Variants in CACNA1D observed in about 807,000 individuals in gnomAD.
CACNA1D encodes the protein voltage-dependent L-type calcium channel subunit alpha-1D.
CACNA1D carries 55 observed loss-of-function variants against 257.1 expected under a neutral mutation model. The observed-to-expected ratio is 0.21, with a 90% CI of 0.17 to 0.27. CACNA1D has a LOEUF of 0.27. CACNA1D is among the 10% of genes least tolerant of loss of function. The pLI is 1.00. For missense variants in CACNA1D, 1,876 were observed against 2,784.0 expected, an observed-to-expected ratio of 0.67 and a Z score of 7.34; for synonymous variants, 980 against 1,014.9, an observed-to-expected ratio of 0.97 and a Z score of 0.65.
intron 3 of CACNA1D, among the ~76,000 whole-genome samples, chr3:53,535,965 C>CT (rs1188599579): frequency 6.6e-6 from 1 of 152,162 alleles, no homozygotes; most frequent in African/African-American, 2.4e-5. Flanking sequence ...TGCCAGCATA[C>CT]TTAATATGTG....
In CACNA1D at chr3:53,650,362, C is replaced by T. The variant is rs891565645; in HGVS notation, c.484-417C>T. Among the ~76,000 whole-genome samples the T allele has an allele frequency of 3.4e-4, 51 of 152,214 alleles. 1 individual carries two copies. The highest frequency in any genetic ancestry group is 1.2e-3 in the African/African-American group (48 of 41,460). ...TTCATTTTTTCCAGAGGATGAATTTCTTCTGTTCAAAGACACCATTGGAAT... is the reference window on the plus strand; with the variant it reads ...TTCATTTTTTCCAGAGGATGAATTTTTTCTGTTCAAAGACACCATTGGAAT... On this transcript the variant is annotated intron_variant, in intron 3 of 47. Transcript: ENST00000350061.
chr3:53,540,611 A>C (rs1018108776), intron 3 of CACNA1D, among the ~76,000 whole-genome samples: 3 of 152,152 alleles, frequency 2.0e-5, no homozygotes, highest in Non-Finnish European at 4.4e-5. Context: ...CCTTTAAAAA[A>C]AATTGACACC....
chr3:53,735,359 G>C lies in CACNA1D; in HGVS notation c.2622-15G>C. On this transcript the variant is annotated splice_polypyrimidine_tract_variant and intron_variant, in intron 19 of 47. Transcript: ENST00000350061. ...CTATCTGGGACTGTTTCCAAGCAGC[G>C]GCTTTTCCCTGCAGGATCCGCGTAG... 1.9e-6 allele frequency: 3 copies of C among 1,613,662 alleles called. No individual in the cohort carries two copies. Among genetic ancestry groups the C allele is most frequent in the Non-Finnish European group, 2.5e-6 (3 of 1,179,616 alleles).
intron 3 of CACNA1D, among the ~76,000 whole-genome samples, chr3:53,610,400 T>C (rs1025629530): frequency 1.3e-5 from 2 of 152,240 alleles, no homozygotes; most frequent in Non-Finnish European, 2.9e-5. Context: ...TTTTGCCTCA[T>C]ATATTTTGAA....
At chr3:53,531,911 G>A (rs143535649) in intron 3 of CACNA1D, among the ~76,000 whole-genome samples, 1 of 152,156 alleles carries the variant, frequency 6.6e-6, no homozygotes, top group Non-Finnish European at 1.5e-5. Flanking sequence ...GACAATGTAT[G>A]TTGCATGCCC....
chr3:53,518,758 TTCTTA>T (rs1170552718), intron 3 of CACNA1D, among the ~76,000 whole-genome samples: 1 of 152,224 alleles, frequency 6.6e-6, no homozygotes, highest in Non-Finnish European at 1.5e-5. Flanking sequence ...TAACCAAGTT[TTCTTA>T]TCTTTGAGAA....
At chr3:53,706,108 G>A (rs979301943) in intron 9 of CACNA1D, among the ~76,000 whole-genome samples, 2 of 152,220 alleles carry the variant, frequency 1.3e-5, no homozygotes, top group African/African-American at 4.8e-5. Flanking sequence ...TACCTCTTGA[G>A]AGGAGGATGG....
intron 7 of CACNA1D, among the ~76,000 whole-genome samples, chr3:53,671,329 C>T (rs1310352142): frequency 2.0e-5 from 3 of 152,122 alleles, no homozygotes; most frequent in Non-Finnish European, 2.9e-5. Context: ...TCTGCCCTCC[C>T]GTCACCTTGT....
intron 29 of CACNA1D, among the ~76,000 whole-genome samples, chr3:53,761,557 A>G (rs2095302458): frequency 6.6e-6 from 1 of 152,262 alleles, no homozygotes; most frequent in South Asian, 2.1e-4. Context: ...GAAGGAGCAC[A>G]GAAATGGAAA....
intron 3 of CACNA1D, among the ~76,000 whole-genome samples, chr3:53,640,494 T>C (rs998758851): frequency 6.6e-6 from 1 of 152,150 alleles, no homozygotes; most frequent in Non-Finnish European, 1.5e-5. Flanking sequence ...TCTTGGAATC[T>C]AGTGAGGTGA....
chr3:53,516,614 A>C (rs968109151), intron 3 of CACNA1D, among the ~76,000 whole-genome samples: 2 of 152,214 alleles, frequency 1.3e-5, no homozygotes, highest in African/African-American at 2.4e-5. Flanking sequence ...AGAAAGACCA[A>C]GTACAGTGTG....
chr3:53,802,609 T>C (rs1004776884), intron 43 of CACNA1D, among the ~76,000 whole-genome samples: 2 of 152,232 alleles, frequency 1.3e-5, no homozygotes, highest in Non-Finnish European at 2.9e-5. Flanking sequence ...CCTCAAGATA[T>C]GTGTAGTATA....
At chr3:53,613,731 C>T (rs2093607206) in intron 3 of CACNA1D, among the ~76,000 whole-genome samples, 1 of 151,914 alleles carries the variant, frequency 6.6e-6, no homozygotes, top group Non-Finnish European at 1.5e-5. Context: ...AAATACCCAG[C>T]TTCTGCTTGG....
intron 3 of CACNA1D, among the ~76,000 whole-genome samples, chr3:53,560,939 T>C (rs1426928569): frequency 6.6e-6 from 1 of 152,196 alleles, no homozygotes; most frequent in Non-Finnish European, 1.5e-5. Flanking sequence ...GTTCTAGAAA[T>C]CCTATGGAAT....
intron 3 of CACNA1D, among the ~76,000 whole-genome samples, chr3:53,558,234 A>T (rs1477932709): frequency 6.6e-6 from 1 of 151,962 alleles, no homozygotes; most frequent in Non-Finnish European, 1.5e-5. Flanking sequence ...TTTCTTTGTG[A>T]TATCTTTGTG....
chr3:53,620,480 T>TG (rs35297866), intron 3 of CACNA1D, among the ~76,000 whole-genome samples: 1 of 152,190 alleles, frequency 6.6e-6, no homozygotes, highest in Non-Finnish European at 1.5e-5. Flanking sequence ...TTTGTAGAGA[T>TG]GGGGTCTCAC....
In CACNA1D at chr3:53,813,039, AC is replaced by A. The variant is rs1443833496; in HGVS notation, c.*1635del. ...ACAGAATTAGGCCGACTGTCAGGTT[AC>A]CTTGGCAGGGATTCCCTGCAATCAA... On this transcript the variant is annotated 3_prime_UTR_variant, in exon 48 of 48. Transcript: ENST00000350061. The A allele has an allele frequency of 6.6e-6, 1 of 152,082 alleles. No individual in the cohort carries two copies. Among genetic ancestry groups the A allele is most frequent in the African/African-American group, 2.4e-5 (1 of 41,398 alleles). 9.4% of individuals were successfully genotyped at this position (152,082 alleles called of 1,614,324 possible).
intron 3 of CACNA1D, among the ~76,000 whole-genome samples, chr3:53,626,954 C>T (rs2108083673): frequency 6.6e-6 from 1 of 152,312 alleles, no homozygotes; most frequent in East Asian, 1.9e-4. Flanking sequence ...GGGCTGCTCT[C>T]CCTACCTCTC....
intron 2 of CACNA1D, 39 bp downstream of exon 2, chr3:53,497,500 T>G: frequency 1.9e-6 from 3 of 1,595,100 alleles, no homozygotes; most frequent in Non-Finnish European, 2.6e-6. Context: ...CATTTTCTCT[T>G]TTACCATCTG....
Sources: gnomAD v4.1 joint callset for allele counts (sites outside exome capture counted in the v4.1 genomes callset) on GRCh38, gnomAD v4.1.1 for gene constraint, MANE v1.5 for transcripts, NCBI Gene and HGNC (gene_info 2026-07-23, HGNC 2026-07-21) for gene names.